Variants in CNTNAP2 observed in about 807,000 individuals in gnomAD.
The protein encoded by CNTNAP2 is contactin associated protein 2, also known as contactin-associated protein-like 2.
A neutral mutation model predicts 155.2 loss-of-function variants in CNTNAP2; 98 were observed. The ratio of observed to expected loss-of-function variants is 0.63; its 90% CI spans 0.54 to 0.75. CNTNAP2 has a LOEUF of 0.75. CNTNAP2 is among the 30% of genes least tolerant of loss of function. The pLI is 0.00. For missense variants in CNTNAP2, 1,727 were observed against 1,688.1 expected (o/e 1.02, Z -0.40); for synonymous variants, 651 against 631.2 (o/e 1.03, Z -0.47).
intron 12 of CNTNAP2, among the ~76,000 whole-genome samples, chr7:147,563,457 T>C (rs1417499157): frequency 1.3e-5 from 2 of 151,962 alleles, no homozygotes; most frequent in African/African-American, 2.4e-5. Flanking sequence ...GAGGAAACCC[T>C]GTCTCTACTA....
At chr7:146,189,283 T>A (rs955055032) in intron 1 of CNTNAP2, among the ~76,000 whole-genome samples, 8 of 152,170 alleles carry the variant, frequency 5.3e-5, no homozygotes, top group Non-Finnish European at 1.0e-4. Flanking sequence ...ATGCCTTACA[T>A]TGTGTACATA....
At chr7:146,646,056 A>G (rs1376513214) in intron 1 of CNTNAP2, among the ~76,000 whole-genome samples, 2 of 152,216 alleles carry the variant, frequency 1.3e-5, no homozygotes, top group East Asian at 3.9e-4. Context: ...GGTTTCCAAC[A>G]TTAAATTCAC....
At chr7:147,763,280 A>T (rs1026620925) in intron 13 of CNTNAP2, among the ~76,000 whole-genome samples, 3 of 151,936 alleles carry the variant, frequency 2.0e-5, no homozygotes, top group Admixed American at 1.3e-4. Context: ...AAGAAAAAAA[A>T]AAAGAATAAA....
intron 1 of CNTNAP2, among the ~76,000 whole-genome samples, chr7:146,338,922 C>T (rs1001253735): frequency 5.9e-5 from 9 of 151,992 alleles, no homozygotes; most frequent in African/African-American, 2.2e-4. Flanking sequence ...ATGGCTCATG[C>T]CTGTAATCCC....
At chr7:148,297,594 A>G (rs1165634050) in intron 21 of CNTNAP2, among the ~76,000 whole-genome samples, 1 of 151,726 alleles carries the variant, frequency 6.6e-6, no homozygotes, top group African/African-American at 2.4e-5. Context: ...GGGGAGAGTT[A>G]AAAAAAGTAG....
intron 1 of CNTNAP2, among the ~76,000 whole-genome samples, chr7:146,169,879 T>A (rs1798364084): frequency 6.6e-6 from 1 of 151,826 alleles, no homozygotes; most frequent in Non-Finnish European, 1.5e-5. Context: ...AGGTACCTAG[T>A]TTGTTTTCCA....
intron 1 of CNTNAP2, among the ~76,000 whole-genome samples, chr7:146,449,963 A>C (rs372671323): frequency 2.0e-5 from 3 of 152,270 alleles, no homozygotes; most frequent in African/African-American, 7.2e-5. Flanking sequence ...CAATCTGCCT[A>C]GTTATCAGTC....
intron 22 of CNTNAP2, among the ~76,000 whole-genome samples, chr7:148,388,566 CCAAGTCTTTGCAATT>C (rs1238413812): frequency 6.6e-6 from 1 of 152,028 alleles, no homozygotes; most frequent in African/African-American, 2.4e-5. Context: ...TGGGTTGGTT[CCAAGTCTTTGCAATT>C]GTGAATAGTG....
intron 11 of CNTNAP2, among the ~76,000 whole-genome samples, chr7:147,545,110 A>T (rs2116753011): frequency 6.6e-6 from 1 of 152,294 alleles, no homozygotes; most frequent in Non-Finnish European, 1.5e-5. Flanking sequence ...TGTAAAGAGG[A>T]ATATAAGTCA....
chr7:148,058,955 G>A (rs895954026), intron 15 of CNTNAP2, among the ~76,000 whole-genome samples: 1 of 151,954 alleles, frequency 6.6e-6, no homozygotes, highest in African/African-American at 2.4e-5. Flanking sequence ...ATGTGGATTC[G>A]AGTTACATGG....
At chr7:147,423,901 C>G (rs1273593739) in intron 10 of CNTNAP2, among the ~76,000 whole-genome samples, 1 of 152,192 alleles carries the variant, frequency 6.6e-6, no homozygotes, top group Non-Finnish European at 1.5e-5. Context: ...CATTATGACT[C>G]CCTTGCAATC....
At chr7:146,550,098 T>TA (rs1798092192) in intron 1 of CNTNAP2, among the ~76,000 whole-genome samples, 1 of 152,054 alleles carries the variant, frequency 6.6e-6, no homozygotes, top group South Asian at 2.1e-4. Context: ...TTAAAGGGAT[T>TA]AAACTTGGAT....
intron 15 of CNTNAP2, among the ~76,000 whole-genome samples, chr7:148,072,416 T>TAA (rs149329152): frequency 1.3e-5 from 2 of 151,478 alleles, no homozygotes; most frequent in South Asian, 2.1e-4. Context: ...AAGGTATGTT[T>TAA]AAAAAAAAAT....
chr7:147,094,121 A>G (rs6963030), intron 4 of CNTNAP2, among the ~76,000 whole-genome samples: 12,681 of 152,074 alleles, frequency 0.083, 848 homozygotes, highest in Admixed American at 0.16. Context: ...TGGCACCTCT[A>G]TACATTGCCC....
At chr7:147,783,468 T>C (rs1039677698) in intron 13 of CNTNAP2, among the ~76,000 whole-genome samples, 2 of 152,192 alleles carry the variant, frequency 1.3e-5, no homozygotes, top group Non-Finnish European at 2.9e-5. Context: ...CAAAATCCTT[T>C]TTGGTGCTTA....
At chr7:147,565,323 C>T (rs1178072044) in intron 12 of CNTNAP2, among the ~76,000 whole-genome samples, 1 of 152,040 alleles carries the variant, frequency 6.6e-6, no homozygotes, top group Non-Finnish European at 1.5e-5. Context: ...TGGGTGGGGG[C>T]AGGCCAGAGC....
intron 15 of CNTNAP2, among the ~76,000 whole-genome samples, chr7:148,111,800 T>C (rs1013058849): frequency 6.6e-6 from 1 of 152,166 alleles, no homozygotes; most frequent in East Asian, 1.9e-4. Flanking sequence ...CTCAATTAAG[T>C]GCGAAAGTAG....
intron 1 of CNTNAP2, among the ~76,000 whole-genome samples, chr7:146,350,362 G>T (rs1216267452): frequency 6.6e-6 from 1 of 151,870 alleles, no homozygotes; most frequent in African/African-American, 2.4e-5. Context: ...TCAAAAAGTG[G>T]GCGAAGGATA....
chr7:147,602,737 G>A (rs1471270089), intron 12 of CNTNAP2, among the ~76,000 whole-genome samples: 1 of 151,704 alleles, frequency 6.6e-6, no homozygotes, highest in Non-Finnish European at 1.5e-5. Flanking sequence ...AGAATGCGCA[G>A]TGCTTGGTTT....
Sources: allele counts gnomAD v4.1 joint callset (sites outside exome capture counted in the v4.1 genomes callset), GRCh38; gene constraint gnomAD v4.1.1; transcripts MANE v1.5; gene names NCBI Gene and HGNC (gene_info 2026-07-23, HGNC 2026-07-21).